The following MRS2 variants were observed in gnomAD, a reference collection of about 807,000 sequenced individuals.
MRS2 encodes magnesium transporter MRS2 homolog, mitochondrial.
Under a neutral mutation model 52.6 loss-of-function variants are expected in MRS2, and 40 were observed. The ratio of observed to expected loss-of-function variants is 0.76; its 90% CI spans 0.59 to 0.99. MRS2 has a LOEUF of 0.99. Among genes scored for constraint, MRS2 ranks in the 50% least tolerant of loss-of-function variants. The pLI is 0.00. For synonymous variants in MRS2, 193 were observed against 195.9 expected, an observed-to-expected ratio of 0.98 and a Z score of 0.13; for missense variants, 472 against 532.7, an observed-to-expected ratio of 0.89 and a Z score of 1.12.
At chr6:24,407,915 C>G (rs988580915) in intron 2 of MRS2, among the ~76,000 whole-genome samples, 5 of 152,166 alleles carry the variant, frequency 3.3e-5, no homozygotes, top group Non-Finnish European at 7.4e-5. Flanking sequence ...GCTCGAATCC[C>G]CATGCCCCGT....
chr6:24,414,931 T>G, intron 5 of MRS2, 102 bp from the exon 6 acceptor site: 1 of 1,053,774 alleles, frequency 9.5e-7, no homozygotes, highest in Non-Finnish European at 1.3e-6. Context: ...TACCAGCATT[T>G]CAAGCTACTA....
rs764550163 is a variant in MRS2 at position 24,423,045 on chromosome 6, C to T, written c.1216C>T (p.Pro406Ser). ...ACGACAGCTAGAAGCTCCATTGCCTCCTATGGTATGAAGGATATGGTTCAC... is the reference window on the plus strand; with the variant it reads ...ACGACAGCTAGAAGCTCCATTGCCTTCTATGGTATGAAGGATATGGTTCAC... ...LGRQLEAPLP[P>S]MMASLPKKTL... Residue 406 changes from proline (P) to serine (S), a missense_variant, in exon 10 of 11, where the codon CCT becomes TCT. By Grantham distance (74) the Pro-to-Ser change is moderately conservative. Transcript: ENST00000378386. 1.9e-6 allele frequency: 3 copies of T among 1,611,820 alleles called. No individual in the cohort carries two copies. Among genetic ancestry groups the T allele is most frequent in the Non-Finnish European group, 1.7e-6 (2 of 1,178,006 alleles).
rs1444769733 is a variant in MRS2 at position 24,425,304 on chromosome 6, G to C, written c.*1610G>C. On this transcript the variant is annotated 3_prime_UTR_variant, in exon 11 of 11. Coordinates refer to ENST00000378386, the MANE Select transcript of MRS2 (RefSeq NM_020662.4). Reference sequence around the variant, plus strand: ...AGAGGGCAACATTTGATTTGACTAAGATCAGGCATAAGATAGAATTTTTGT... The same window carrying C: ...AGAGGGCAACATTTGATTTGACTAACATCAGGCATAAGATAGAATTTTTGT... The C allele has an allele frequency of 6.6e-6, 1 of 152,166 alleles. No individual in the cohort carries two copies. Among genetic ancestry groups the C allele is most frequent in the East Asian group, 1.9e-4 (1 of 5,202 alleles). 9.4% of individuals were successfully genotyped at this position (152,166 alleles called of 1,614,324 possible).
chr6:24,407,028 C>T (rs927860881), intron 2 of MRS2, among the ~76,000 whole-genome samples: 3 of 151,828 alleles, frequency 2.0e-5, no homozygotes, highest in Non-Finnish European at 4.4e-5. Context: ...TATTGAGATG[C>T]AAAAATATTC....
chr6:24,415,430 G>A (rs575830329), intron 6 of MRS2, among the ~76,000 whole-genome samples: 2 of 152,260 alleles, frequency 1.3e-5, no homozygotes, highest in East Asian at 1.9e-4. Context: ...TGAGGTTTGA[G>A]TAACTTGCCT....
At chr6:24,409,340 A>G in intron 3 of MRS2, 121 bp from the exon 4 acceptor site, 1 of 546,778 alleles carries the variant, frequency 1.8e-6, no homozygotes, top group Admixed American at 3.7e-5. Flanking sequence ...ACTTAATTTT[A>G]GTTTTTGTTT....
At chr6:24,411,187 T>C (rs1761636500) in intron 4 of MRS2, among the ~76,000 whole-genome samples, 1 of 142,208 alleles carries the variant, frequency 7.0e-6, no homozygotes, top group Admixed American at 7.0e-5. Flanking sequence ...AAGACTTCCA[T>C]CTCAAAAAAA....
At chr6:24,415,383 A>G (rs1413374470) in intron 6 of MRS2, among the ~76,000 whole-genome samples, 2 of 152,138 alleles carry the variant, frequency 1.3e-5, no homozygotes, top group Admixed American at 6.5e-5. Context: ...CACCCATTCA[A>G]TAGTTGATAT....
At chr6:24,409,322 A>G (rs1761575619) in intron 3 of MRS2, 139 bp from the exon 4 acceptor site, 2 of 541,974 alleles carry the variant, frequency 3.7e-6, no homozygotes, top group African/African-American at 1.9e-5. Flanking sequence ...AAAAATGGAT[A>G]TTAAAAGACT....
chr6:24,417,091 C>T (rs1230566942), intron 7 of MRS2, among the ~76,000 whole-genome samples: 1 of 152,158 alleles, frequency 6.6e-6, no homozygotes, highest in Non-Finnish European at 1.5e-5. Flanking sequence ...ACAGTCTGTA[C>T]AGATTTTCTT....
intron 9 of MRS2, among the ~76,000 whole-genome samples, chr6:24,420,922 T>C (rs1295474827): frequency 1.3e-5 from 2 of 152,160 alleles, no homozygotes; most frequent in African/African-American, 4.8e-5. Context: ...GGTAGGGGTT[T>C]GGATTTCTAA....
chr6:24,418,350 A>AT (rs144777515), intron 8 of MRS2, 111 bp from the exon 9 acceptor site: 12,780 of 1,182,998 alleles, frequency 0.011, 1 homozygote, highest in South Asian at 0.014. Context: ...CTACATTATT[A>AT]TTATTTTTTT....
intron 4 of MRS2, among the ~76,000 whole-genome samples, chr6:24,411,056 G>C (rs1761632169): frequency 6.6e-6 from 1 of 151,608 alleles, no homozygotes; most frequent in Non-Finnish European, 1.5e-5. Flanking sequence ...CAGGCATGGT[G>C]GCGGGTGCCT....
chr6:24,420,466 A>G (rs559542770), intron 9 of MRS2, among the ~76,000 whole-genome samples: 9 of 152,360 alleles, frequency 5.9e-5, no homozygotes, highest in African/African-American at 2.2e-4. Context: ...ACATGTGTTC[A>G]TTCATCTCAC....
chr6:24,424,428 T>C lies in MRS2; in HGVS notation c.*734T>C, dbSNP rs1454213096. ...CATTTATTGATTTTTAAAGTAGATA[T>C]TTAGATACCACCCCTGCCCTGCCCC... On this transcript the variant is annotated 3_prime_UTR_variant, in exon 11 of 11. Coordinates refer to ENST00000378386, the MANE Select transcript of MRS2 (RefSeq NM_020662.4). 3 of 137,442 alleles carry C rather than the reference T, an allele frequency of 2.2e-5. No individual in the cohort carries two copies. Among genetic ancestry groups the C allele is most frequent in the East Asian group, 3.0e-4 (1 of 3,382 alleles). 8.5% of individuals were successfully genotyped at this position (137,442 alleles called of 1,614,324 possible). A position where few individuals can be genotyped will look rare whatever the true frequency, so the allele number is the denominator to read the frequency against.
chr6:24,415,341 A>C (rs1330053612), intron 6 of MRS2, among the ~76,000 whole-genome samples, 178 bp downstream of exon 6: 1 of 152,224 alleles, frequency 6.6e-6, no homozygotes, highest in Non-Finnish European at 1.5e-5. Context: ...AATGTCATGT[A>C]AGGCTCTTTT....
At chr6:24,413,473 C>A (rs989622964) in intron 5 of MRS2, among the ~76,000 whole-genome samples, 1 of 152,164 alleles carries the variant, frequency 6.6e-6, no homozygotes, top group African/African-American at 2.4e-5. Context: ...CCAAACCCAC[C>A]TAAGGGACCA....
chr6:24,423,837 C>T lies in MRS2; in HGVS notation c.*143C>T. 1 of 433,612 alleles carries T rather than the reference C, an allele frequency of 2.3e-6. No individual in the cohort carries two copies. Among genetic ancestry groups the T allele is most frequent in the Non-Finnish European group, 4.2e-6 (1 of 239,044 alleles). The allele number at this position is 433,612 out of a possible 1,614,324, so 26.9% of individuals were successfully genotyped here. A position where few individuals can be genotyped will look rare whatever the true frequency, so the allele number is the denominator to read the frequency against. On this transcript the variant is annotated 3_prime_UTR_variant, in exon 11 of 11. Coordinates refer to ENST00000378386, the MANE Select transcript of MRS2 (RefSeq NM_020662.4). ...AAAAATATTTTGGCAGTCACAATAC[C>T]AGAACTGGATTGCATTTCCAGAATT... is the stretch of plus-strand genomic sequence containing the variant.
intron 6 of MRS2, among the ~76,000 whole-genome samples, chr6:24,415,576 C>G (rs1190302433): frequency 6.6e-6 from 1 of 152,146 alleles, no homozygotes; most frequent in Non-Finnish European, 1.5e-5. Context: ...TAAACATGCT[C>G]TCAGGAGTTA....
Sources: gnomAD v4.1 joint callset for allele counts (sites outside exome capture counted in the v4.1 genomes callset) on GRCh38, gnomAD v4.1.1 for gene constraint, MANE v1.5 for transcripts, NCBI Gene and HGNC (gene_info 2026-07-23, HGNC 2026-07-21) for gene names.